The following ADAM12 variants were observed in gnomAD, a reference collection of about 807,000 sequenced individuals.
The protein encoded by ADAM12 is disintegrin and metalloproteinase domain-containing protein 12.
ADAM12 carries 70 observed loss-of-function variants against 106.4 expected under a neutral mutation model. That is an observed-to-expected ratio of 0.66 (90% CI 0.54 to 0.80). The LOEUF is 0.80. ADAM12 is among the 30% of genes least tolerant of loss of function. ADAM12 has a pLI of 0.00. For synonymous variants in ADAM12, 420 were observed against 433.5 expected (o/e 0.97, Z 0.39); for missense variants, 1,010 against 1,171.9 (o/e 0.86, Z 2.02).
intron 3 of ADAM12, among the ~76,000 whole-genome samples, chr10:126,254,939 C>A (rs1194865759): frequency 1.3e-5 from 2 of 152,240 alleles, no homozygotes; most frequent in Non-Finnish European, 2.9e-5. Context: ...TCCCTGACAT[C>A]AGTCCCCCTT....
intron 3 of ADAM12, among the ~76,000 whole-genome samples, chr10:126,264,721 TTTTTTTG>T (rs1371637309): frequency 3.9e-5 from 6 of 152,254 alleles, no homozygotes; most frequent in Middle Eastern, 3.4e-3. Context: ...TGAAACGTTG[TTTTTTTG>T]TTTTTTGTTT....
intron 2 of ADAM12, among the ~76,000 whole-genome samples, chr10:126,322,376 C>T (rs1854130935): frequency 6.6e-6 from 1 of 152,194 alleles, no homozygotes; most frequent in African/African-American, 2.4e-5. Context: ...CCTGTCCTTC[C>T]ACATCTTTTC....
intron 11 of ADAM12, among the ~76,000 whole-genome samples, chr10:126,089,934 A>T (rs752295): frequency 0.45 from 68,448 of 151,754 alleles, 18,532 homozygotes; most frequent in African/African-American, 0.74. Flanking sequence ...ACTCCTTCCA[A>T]CCTGCAATTT....
At chr10:126,259,245 AG>A (rs997845269) in intron 3 of ADAM12, among the ~76,000 whole-genome samples, 2 of 152,118 alleles carry the variant, frequency 1.3e-5, no homozygotes, top group African/African-American at 4.8e-5. Context: ...TTCCCAGCTC[AG>A]TGCTCTCAAT....
At chr10:126,276,887 GTAT>G (rs541344272) in intron 3 of ADAM12, among the ~76,000 whole-genome samples, 286 of 152,344 alleles carry the variant, frequency 1.9e-3, no homozygotes, top group Non-Finnish European at 3.5e-3. Context: ...CAGTCAACGT[GTAT>G]TATAGTATCT....
chr10:126,163,015 C>T (rs940329582), intron 3 of ADAM12, among the ~76,000 whole-genome samples: 2 of 152,092 alleles, frequency 1.3e-5, no homozygotes, highest in African/African-American at 2.4e-5. Context: ...ACCTCCTCCT[C>T]CCACCCCTTC....
At chr10:126,082,261 C>T (rs1389610606) in intron 11 of ADAM12, among the ~76,000 whole-genome samples, 1 of 152,112 alleles carries the variant, frequency 6.6e-6, no homozygotes, top group Non-Finnish European at 1.5e-5. Flanking sequence ...CCCACATCTT[C>T]CGTCCATTTC....
At chr10:126,264,324 C>T (rs1195629596) in intron 3 of ADAM12, among the ~76,000 whole-genome samples, 1 of 152,166 alleles carries the variant, frequency 6.6e-6, no homozygotes, top group Non-Finnish European at 1.5e-5. Context: ...TCCTCTAGGC[C>T]AGTTGAAGCT....
rs1009541529 is a variant in ADAM12, at chr10:126,012,431, A to G, written c.*4848T>C. The G allele has an allele frequency of 5.9e-5, 9 of 152,246 alleles. No individual in the cohort carries two copies. The highest frequency in any genetic ancestry group is 2.2e-4 in the African/African-American group (9 of 41,464). The allele number at this position is 152,246 out of a possible 1,614,324, so 9.4% of individuals were successfully genotyped here. A position where few individuals can be genotyped will look rare whatever the true frequency, so the allele number is the denominator to read the frequency against. ...TTTATTGGGTTTAATATTCATAACA[A>G]TAACTTTTTCTACTGAAATAGCAGT... On this transcript the variant is annotated 3_prime_UTR_variant, in exon 23 of 23. Coordinates refer to ENST00000448723, the MANE Select transcript of ADAM12 (RefSeq NM_001288973.2).
chr10:126,250,810 C>T (rs760241204), intron 3 of ADAM12, among the ~76,000 whole-genome samples: 36 of 152,218 alleles, frequency 2.4e-4, no homozygotes, highest in South Asian at 2.1e-4. Flanking sequence ...GACACTGATA[C>T]AGTCCAACAA....
chr10:126,352,506 A>G (rs1590815703), intron 1 of ADAM12, among the ~76,000 whole-genome samples: 1 of 151,952 alleles, frequency 6.6e-6, no homozygotes, highest in East Asian at 1.9e-4. Flanking sequence ...TTAAAAAGTC[A>G]TGAAAGTAAG....
chr10:126,206,858 GGC>G (rs200930403), intron 3 of ADAM12, among the ~76,000 whole-genome samples: 7,587 of 139,116 alleles, frequency 0.055, 1,056 homozygotes, highest in African/African-American at 0.19. Flanking sequence ...GTGTTGTGGG[GGC>G]GGGGGGGAGC....
intron 2 of ADAM12, among the ~76,000 whole-genome samples, chr10:126,318,308 CCA>C (rs1471290639): frequency 3.3e-5 from 5 of 151,512 alleles, no homozygotes; most frequent in African/African-American, 1.2e-4. Context: ...TAATGTACAC[CCA>C]CACACTCACA....
In ADAM12 at chr10:126,384,179, C is replaced by T. The variant is rs1039764997; in HGVS notation, c.88+3879G>A. Among the ~76,000 whole-genome samples the T allele has an allele frequency of 3.9e-5, 6 of 152,120 alleles. No individual in the cohort carries two copies. The East Asian group carries it at 1.2e-3, about 29-fold the overall frequency. ...AAATAAAAGAAAGTGCTTGGGTCCC[C>T]GATCACATCAGTGACCTGACACACC... On this transcript the variant is annotated intron_variant, in intron 1 of 22. Coordinates refer to ENST00000448723, the MANE Select transcript of ADAM12 (RefSeq NM_001288973.2).
chr10:126,015,257 C>T lies in ADAM12; in HGVS notation c.*2022G>A, dbSNP rs754301898. On this transcript the variant is annotated 3_prime_UTR_variant, in exon 23 of 23. Transcript: ENST00000448723. ...AGGAATTACAGCTAAGAACAAACAA[C>T]AAAAGAAAAACTCAGTTCATATCCT... The T allele has an allele frequency of 9.2e-5, 14 of 152,104 alleles. No individual in the cohort carries two copies. The highest frequency in any genetic ancestry group is 2.0e-4 in the Admixed American group (3 of 15,270). The allele number at this position is 152,104 out of a possible 1,614,324, so 9.4% of individuals were successfully genotyped here.
intron 5 of ADAM12, among the ~76,000 whole-genome samples, chr10:126,121,379 ATAT>A (rs1182297396): frequency 7.9e-6 from 1 of 127,244 alleles, no homozygotes; most frequent in Non-Finnish European, 1.6e-5. Flanking sequence ...ATGCAATTAT[ATAT>A]TATATGCAAT....
chr10:126,044,278 T>TA (rs11380035), intron 17 of ADAM12, among the ~76,000 whole-genome samples: 37,926 of 137,858 alleles, frequency 0.28, 5,161 homozygotes, highest in East Asian at 0.35. Flanking sequence ...TTTATAAAGA[T>TA]AAAAAAAAAA....
rs538746332 is a variant in ADAM12 at position 126,304,169 on chromosome 10, C to A, written c.187-25181G>T. Among the ~76,000 whole-genome samples the A allele has an allele frequency of 7.2e-5, 11 of 151,790 alleles. No individual in the cohort carries two copies. The East Asian group carries it at 1.9e-3, about 27-fold the overall frequency. On this transcript the variant is annotated intron_variant, in intron 2 of 22. Coordinates refer to ENST00000448723, the MANE Select transcript of ADAM12 (RefSeq NM_001288973.2). ...GAAAGGCCGTGCCTCACACAAACACCCAAAAGTAATAAATTAGTTAACAAA... is the reference window on the plus strand; with the variant it reads ...GAAAGGCCGTGCCTCACACAAACACACAAAAGTAATAAATTAGTTAACAAA...
chr10:126,107,197 C>T, intron 8 of ADAM12, among the ~76,000 whole-genome samples: 1 of 152,178 alleles, frequency 6.6e-6, no homozygotes, highest in East Asian at 1.9e-4. Flanking sequence ...CTGCTATGCT[C>T]ACAGTGAAAC....
Sources: allele counts gnomAD v4.1 joint callset (sites outside exome capture counted in the v4.1 genomes callset), GRCh38; gene constraint gnomAD v4.1.1; transcripts MANE v1.5; gene names NCBI Gene and HGNC (gene_info 2026-07-23, HGNC 2026-07-21).